The following CTNNA2 variants were observed in gnomAD, a reference collection of about 807,000 sequenced individuals.
CTNNA2 encodes catenin alpha-2.
In CTNNA2, 42 loss-of-function variants were observed where a neutral mutation model predicts 101.0. The ratio of observed to expected loss-of-function variants is 0.42; its 90% CI spans 0.32 to 0.54. The LOEUF is 0.54. CTNNA2 is among the 20% of genes least tolerant of loss of function. The pLI is 0.14. For missense variants in CTNNA2, 871 were observed against 1,223.1 expected, an observed-to-expected ratio of 0.71 and a Z score of 4.29; for synonymous variants, 450 against 456.4, an observed-to-expected ratio of 0.99 and a Z score of 0.18.
rs1344343854 is a variant in CTNNA2, at chr2:80,416,778, T to A, written c.1138-2671T>A. Among the ~76,000 whole-genome samples, 3 of 152,020 alleles carry A rather than the reference T, an allele frequency of 2.0e-5. No individual in the cohort carries two copies. In the East Asian group the frequency reaches 5.8e-4, roughly 29 times the overall value. ...TATTTTATTTCTTAAAATAACTAGA[T>A]AGGAAAAGGTCATGAGAACAATATT... On this transcript the variant is annotated intron_variant, in intron 8 of 18. Transcript: ENST00000402739.
chr2:80,069,701 T>C (rs1008519872), intron 7 of CTNNA2, among the ~76,000 whole-genome samples: 12 of 152,192 alleles, frequency 7.9e-5, no homozygotes, highest in African/African-American at 2.9e-4. Flanking sequence ...GCTTAATATA[T>C]GTACGTGTGT....
intron 7 of CTNNA2, among the ~76,000 whole-genome samples, chr2:79,987,667 A>G (rs1691863655): frequency 1.3e-5 from 2 of 152,214 alleles, no homozygotes; most frequent in South Asian, 2.1e-4. Flanking sequence ...CCTTCTCCCT[A>G]TTCATGACTG....
At chr2:79,785,780 G>C (rs1330422731) in intron 3 of CTNNA2, among the ~76,000 whole-genome samples, 1 of 152,006 alleles carries the variant, frequency 6.6e-6, no homozygotes, top group Non-Finnish European at 1.5e-5. Flanking sequence ...CTGGGAAACA[G>C]GTACTCCATT....
At chr2:80,049,087 A>G (rs1696708553) in intron 7 of CTNNA2, among the ~76,000 whole-genome samples, 1 of 152,240 alleles carries the variant, frequency 6.6e-6, no homozygotes, top group Non-Finnish European at 1.5e-5. Flanking sequence ...AAATAGTAAC[A>G]ATAGAACATT....
chr2:79,401,257 C>CA (rs1391685909), intron 4 of CTNNA2, among the ~76,000 whole-genome samples: 3 of 151,520 alleles, frequency 2.0e-5, no homozygotes, highest in Non-Finnish European at 4.4e-5. Flanking sequence ...TATACACTTA[C>CA]AGTATACCCA....
chr2:79,472,944 A>G (rs1671015091), intron 4 of CTNNA2, among the ~76,000 whole-genome samples: 1 of 152,222 alleles, frequency 6.6e-6, no homozygotes, highest in African/African-American at 2.4e-5. Context: ...TCCACAGAAC[A>G]CTAGAACATG....
chr2:80,264,284 A>T (rs1672836855), intron 7 of CTNNA2, among the ~76,000 whole-genome samples: 1 of 152,134 alleles, frequency 6.6e-6, no homozygotes, highest in African/African-American at 2.4e-5. Flanking sequence ...GGTTATAGCA[A>T]AATGATTTAC....
chr2:79,300,584 T>C lies in CTNNA2; in HGVS notation c.-405-12125T>C, dbSNP rs535913752. ...ATTCTTTCTACATTCTCCACCTCAA[T>C]TGATGCACTATCACAAATTTCTTCC... On this transcript the variant is annotated intron_variant, in intron 2 of 21. Transcript: ENST00000466387. Among the ~76,000 whole-genome samples, 44 of 152,176 alleles carry C rather than the reference T, an allele frequency of 2.9e-4. 1 individual carries two copies. In the South Asian group the frequency reaches 8.9e-3, roughly 31 times the overall value.
chr2:80,279,085 T>TGTGTGTGTGTGA (rs1016525099), intron 7 of CTNNA2, among the ~76,000 whole-genome samples: 136 of 144,588 alleles, frequency 9.4e-4, no homozygotes, highest in Admixed American at 1.8e-3. Context: ...TGTGTGTGTG[T>TGTGTGTGTGTGA]GAAACAGAGA....
intron 7 of CTNNA2, among the ~76,000 whole-genome samples, chr2:80,389,082 C>T (rs1360112555): frequency 1.3e-5 from 2 of 152,188 alleles, no homozygotes; most frequent in African/African-American, 4.8e-5. Context: ...GGTTTTCGTA[C>T]ATTATCTGCC....
At chr2:79,279,532 C>T (rs1165726397) in intron 2 of CTNNA2, among the ~76,000 whole-genome samples, 1 of 152,112 alleles carries the variant, frequency 6.6e-6, no homozygotes, top group Non-Finnish European at 1.5e-5. Flanking sequence ...GAGCTGCCAC[C>T]TCCATGACCA....
intron 9 of CTNNA2, among the ~76,000 whole-genome samples, chr2:80,447,107 G>A (rs1190254550): frequency 6.6e-6 from 1 of 152,060 alleles, no homozygotes; most frequent in African/African-American, 2.4e-5. Context: ...CAGTTAAATG[G>A]TGATCTTATC....
At chr2:80,520,440 T>A (rs1689447155) in intron 9 of CTNNA2, among the ~76,000 whole-genome samples, 1 of 152,116 alleles carries the variant, frequency 6.6e-6, no homozygotes, top group African/African-American at 2.4e-5. Context: ...TCAGGTATTA[T>A]AACAAAATAG....
chr2:79,780,914 G>A (rs888642574), intron 3 of CTNNA2, among the ~76,000 whole-genome samples: 2 of 152,064 alleles, frequency 1.3e-5, no homozygotes, highest in African/African-American at 4.8e-5. Context: ...TAAAAACAAA[G>A]TTTAAAAAAA....
rs147584679 is a variant in CTNNA2 at position 79,481,792 on chromosome 2, T to C, written c.-134-23262T>C. ...TTAAAATAAATAAATAAATAGACTT[T>C]GAAAAACTTTAAAAGAAGAAGACAG... On this transcript the variant is annotated intron_variant, in intron 4 of 21. Coordinates refer to the CTNNA2 transcript ENST00000466387. Among the ~76,000 whole-genome samples, 147 of 152,234 alleles carry C rather than the reference T, an allele frequency of 9.7e-4. 1 individual carries two copies. Among genetic ancestry groups the C allele is most frequent in the African/African-American group, 3.3e-3 (136 of 41,540 alleles).
chr2:80,544,893 G>C, intron 9 of CTNNA2, 89 bp from the exon 10 acceptor site: 1 of 1,063,352 alleles, frequency 9.4e-7, no homozygotes, highest in Non-Finnish European at 1.4e-6. Context: ...TCCTGGAAGA[G>C]ACATCTGCCA....
intron 9 of CTNNA2, among the ~76,000 whole-genome samples, chr2:80,441,711 T>A (rs1414127656): frequency 6.6e-6 from 1 of 152,150 alleles, no homozygotes; most frequent in Admixed American, 6.5e-5. Context: ...GCAAGCAATG[T>A]GTTTAGTAAA....
chr2:80,513,038 C>T (rs1487282016), intron 9 of CTNNA2, among the ~76,000 whole-genome samples: 1 of 152,148 alleles, frequency 6.6e-6, no homozygotes, highest in Non-Finnish European at 1.5e-5. Context: ...TGTTGTAGCT[C>T]CCTTGCTTAC....
At chr2:80,140,570 C>T (rs927945061) in intron 7 of CTNNA2, among the ~76,000 whole-genome samples, 1 of 152,144 alleles carries the variant, frequency 6.6e-6, no homozygotes, top group Non-Finnish European at 1.5e-5. Flanking sequence ...GCTCCAACCC[C>T]ACCAGGAGGT....
Sources: allele counts gnomAD v4.1 joint callset (sites outside exome capture counted in the v4.1 genomes callset), GRCh38; gene constraint gnomAD v4.1.1; transcripts MANE v1.5; gene names NCBI Gene and HGNC (gene_info 2026-07-23, HGNC 2026-07-21).